The following GAD1 variants were observed in gnomAD, a reference collection of about 807,000 sequenced individuals.
GAD1 encodes glutamate decarboxylase 1, also known as 67 kDa glutamic acid decarboxylase.
Under a neutral mutation model 75.2 loss-of-function variants are expected in GAD1, and 35 were observed. The observed-to-expected ratio is 0.47, with a 90% CI of 0.36 to 0.62. The LOEUF (loss-of-function observed/expected upper bound fraction) is 0.62. Ranked by LOEUF, GAD1 falls within the 20% of genes least tolerant of loss-of-function variation. The pLI is 0.00. For missense variants in GAD1, 490 were observed against 758.5 expected (o/e 0.65, Z 4.16); for synonymous variants, 257 against 271.9 (o/e 0.95, Z 0.54).
intron 14 of GAD1, 33 bp from the exon 15 acceptor site, chr2:170,856,985 C>G (rs769914367): frequency 1.9e-6 from 3 of 1,559,504 alleles, no homozygotes; most frequent in Non-Finnish European, 2.7e-6. Context: ...CAGGGAAATG[C>G]AACCACAAAC....
At position 170,853,542 on chromosome 2, in the gene GAD1, A is replaced by C; in HGVS notation, c.1264-331A>C. On this transcript the variant is annotated intron_variant, in intron 13 of 16. Coordinates refer to ENST00000358196, the MANE Select transcript of GAD1 (RefSeq NM_000817.3). This position sits in a 1 kb window ranked among gnomAD's most constrained non-coding sequence, Gnocchi z 4.1. ...CATGAAACTATCCCACCCACTGAGGAATTTTCTATCTCTAACCCTGGCCCA... is the reference window on the plus strand; with the variant it reads ...CATGAAACTATCCCACCCACTGAGGCATTTTCTATCTCTAACCCTGGCCCA... The C allele has an allele frequency of 3.1e-6, 1 of 321,978 alleles. No homozygotes were observed. The highest frequency in any genetic ancestry group is 1.0e-3 in the Middle Eastern group (1 of 964). 19.9% of individuals were successfully genotyped at this position (321,978 alleles called of 1,614,324 possible).
At position 170,818,726 on chromosome 2, in the gene GAD1, C is replaced by G; in HGVS notation, c.82+53C>G. 1.9e-6 allele frequency: 3 copies of G among 1,556,192 alleles called. No homozygotes were observed. Among genetic ancestry groups the G allele is most frequent in the South Asian group, 2.2e-5 (2 of 90,002 alleles). Reference sequence around the variant, plus strand: ...ATGAACTGCAGGGAAGATGGGGGCGCTGGGACGTCGGGAGGCTGAGCTGGC... The same window carrying G: ...ATGAACTGCAGGGAAGATGGGGGCGGTGGGACGTCGGGAGGCTGAGCTGGC... On this transcript the variant is annotated intron_variant, in intron 2 of 16. Transcript: ENST00000358196. This position sits in a 1 kb window ranked among gnomAD's most constrained non-coding sequence, Gnocchi z 5.9.
intron 3 of GAD1, among the ~76,000 whole-genome samples, chr2:170,828,098 T>TCACCCCCCTCCC (rs1702072341): frequency 8.1e-5 from 1 of 12,314 alleles, no homozygotes; most frequent in Non-Finnish European, 1.7e-4. Context: ...CCCCTCCTCC[T>TCACCCCCCTCCC]TCTGCTGTCC....
intron 3 of GAD1, among the ~76,000 whole-genome samples, chr2:170,825,562 G>A (rs1338911144): frequency 6.6e-6 from 1 of 152,206 alleles, no homozygotes; most frequent in African/African-American, 2.4e-5. Context: ...ACAACTGGCT[G>A]GAGCCAGGTG....
chr2:170,835,126 C>A (rs1702340945), intron 5 of GAD1, among the ~76,000 whole-genome samples: 2 of 152,096 alleles, frequency 1.3e-5, no homozygotes, highest in Admixed American at 6.5e-5. Flanking sequence ...CATTGTCATA[C>A]CTGAAAAGAA....
At chr2:170,845,828 T>G in intron 9 of GAD1, 43 bp downstream of exon 9, 1 of 1,575,952 alleles carries the variant, frequency 6.3e-7, no homozygotes, top group Non-Finnish European at 8.7e-7. Flanking sequence ...ATGTATTAAA[T>G]GTGTTCATCT....
At chr2:170,831,763 AT>A (rs1392712999) in intron 5 of GAD1, among the ~76,000 whole-genome samples, 1 of 139,462 alleles carries the variant, frequency 7.2e-6, no homozygotes, top group African/African-American at 2.5e-5. Flanking sequence ...ATATATAAAT[AT>A]TTATATATAA....
At chr2:170,834,797 A>T (rs1460980895) in intron 5 of GAD1, among the ~76,000 whole-genome samples, 1 of 148,930 alleles carries the variant, frequency 6.7e-6, no homozygotes, top group Non-Finnish European at 1.5e-5. Flanking sequence ...TGGAGTTTCA[A>T]TCTTGTTGCC....
At chr2:170,843,600 G>A (rs1450186450) in intron 6 of GAD1, among the ~76,000 whole-genome samples, 2 of 147,270 alleles carry the variant, frequency 1.4e-5, no homozygotes, top group African/African-American at 5.0e-5. Context: ...TATTCTACAA[G>A]TGTGAAACTG....
At chr2:170,839,749 C>T (rs938289354) in intron 6 of GAD1, among the ~76,000 whole-genome samples, 2 of 152,146 alleles carry the variant, frequency 1.3e-5, no homozygotes, top group African/African-American at 4.8e-5. Context: ...ATCCAAGGCA[C>T]ATACAGCTCT....
chr2:170,846,121 G>C lies in GAD1; in HGVS notation c.1002+58G>C, dbSNP rs1702627777. 5.3e-6 allele frequency: 7 copies of C among 1,327,088 alleles called. No homozygotes were observed. In the South Asian group the frequency reaches 8.3e-5, roughly 16 times the overall value. 82.2% of individuals were successfully genotyped at this position (1,327,088 alleles called of 1,614,324 possible). ...TTTAAAATACCTTCTTTCTGTCCTA[G>C]ACAAAAACAGTCCTTGATAATATGA... is the stretch of plus-strand genomic sequence containing the variant. On this transcript the variant is annotated intron_variant, in intron 10 of 16. Coordinates refer to ENST00000358196, the MANE Select transcript of GAD1 (RefSeq NM_000817.3).
chr2:170,845,386 A>G (rs1172524519), intron 7 of GAD1, 120 bp from the exon 8 acceptor site: 1 of 862,112 alleles, frequency 1.2e-6, no homozygotes, highest in African/African-American at 1.7e-5. Flanking sequence ...AAAACCTATC[A>G]GGATATTATC....
intron 6 of GAD1, among the ~76,000 whole-genome samples, chr2:170,843,227 T>C (rs543307666): frequency 6.6e-6 from 1 of 152,262 alleles, no homozygotes; most frequent in East Asian, 1.9e-4. Context: ...TACCAGACTA[T>C]GCCTCTGTGT....
At chr2:170,820,491 C>T (rs1234081764) in intron 2 of GAD1, among the ~76,000 whole-genome samples, 1 of 152,274 alleles carries the variant, frequency 6.6e-6, no homozygotes, top group Non-Finnish European at 1.5e-5. Context: ...TCTCACCCTC[C>T]CTTGCAGACA....
intron 4 of GAD1, 42 bp from the exon 5 acceptor site, chr2:170,830,908 T>G: frequency 6.2e-7 from 1 of 1,613,900 alleles, no homozygotes; most frequent in Non-Finnish European, 8.5e-7. Flanking sequence ...GAAATCTAGA[T>G]ATGAGTCAGG....
chr2:170,822,237 G>A lies in GAD1; in HGVS notation c.145+88G>A, dbSNP rs1003006729. ...GGAGACTGGGACGCAAGCGGAGGGG[G>A]ATCCGGGCTCATGGGTCTGATTTTC... On this transcript the variant is annotated intron_variant, in intron 3 of 16. Coordinates refer to ENST00000358196, the MANE Select transcript of GAD1 (RefSeq NM_000817.3). The A allele has an allele frequency of 3.6e-6, 4 of 1,102,368 alleles. No individual in the cohort carries two copies. In the African/African-American group the frequency reaches 4.6e-5, roughly 13 times the overall value. The allele number at this position is 1,102,368 out of a possible 1,614,324, so 68.3% of individuals were successfully genotyped here.
At chr2:170,845,261 A>C in intron 7 of GAD1, 1 of 571,730 alleles carries the variant, frequency 1.7e-6, no homozygotes, top group Non-Finnish European at 3.2e-6. Context: ...AAGCGCACTG[A>C]AGTACACGAA....
chr2:170,857,671 T>C (rs1342166388), intron 15 of GAD1, among the ~76,000 whole-genome samples: 1 of 152,216 alleles, frequency 6.6e-6, no homozygotes, highest in Non-Finnish European at 1.5e-5. Context: ...ATGGGTATAT[T>C]CTTACCTCCC....
Position 170,818,507 on chromosome 2 carries a change from C to T in GAD1, c.-63-22C>T, listed in dbSNP as rs936965911. 3.1e-6 allele frequency: 4 copies of T among 1,299,822 alleles called. No individual in the cohort carries two copies. Among genetic ancestry groups the T allele is most frequent in the Non-Finnish European group, 2.2e-6 (2 of 893,820 alleles). The allele number at this position is 1,299,822 out of a possible 1,614,324, so 80.5% of individuals were successfully genotyped here. On this transcript the variant is annotated intron_variant, in intron 1 of 16. Transcript: ENST00000358196. The surrounding 1 kb of genome is among the most constrained non-coding windows in gnomAD (Gnocchi z 5.9). ...CAGGACCCCGGAAGTCCTCCCCGCACAGCTCTCGCTTCTCTTTGCAGCCTG... is the reference window on the plus strand; with the variant it reads ...CAGGACCCCGGAAGTCCTCCCCGCATAGCTCTCGCTTCTCTTTGCAGCCTG...
Sources: allele counts gnomAD v4.1 joint callset (sites outside exome capture counted in the v4.1 genomes callset), GRCh38; gene constraint gnomAD v4.1.1; non-coding constraint Gnocchi (gnomAD v3.1); transcripts MANE v1.5; gene names NCBI Gene and HGNC (gene_info 2026-07-23, HGNC 2026-07-21).